SRD5A1: variants seen among roughly 807,000 people sequenced by gnomAD.
SRD5A1 encodes 3-oxo-5-alpha-steroid 4-dehydrogenase 1.
In SRD5A1, 22 loss-of-function variants were observed where a neutral mutation model predicts 28.2. The ratio of observed to expected loss-of-function variants is 0.78; its 90% CI spans 0.56 to 1.12. The LOEUF (loss-of-function observed/expected upper bound fraction) is 1.12. Ranked by LOEUF, SRD5A1 falls within the 50% of genes most tolerant of loss-of-function variation. The probability of loss-of-function intolerance (pLI) is 0.00; values close to 1 mark genes in which losing one functional copy is unlikely to be tolerated. For missense variants in SRD5A1, 300 were observed against 346.7 expected (o/e 0.87, Z 1.07); for synonymous variants, 151 against 135.0 (o/e 1.12, Z -0.82).
At chr5:6,640,799 G>A (rs761882264) in intron 1 of SRD5A1, among the ~76,000 whole-genome samples, 10 of 152,148 alleles carry the variant, frequency 6.6e-5, no homozygotes, top group Non-Finnish European at 1.3e-4. Flanking sequence ...AGACCTGACT[G>A]TTTTGTATTC....
At chr5:6,650,038 G>C (rs1738624396) in intron 1 of SRD5A1, among the ~76,000 whole-genome samples, 1 of 152,068 alleles carries the variant, frequency 6.6e-6, no homozygotes, top group Admixed American at 6.5e-5. Flanking sequence ...TATTTCATTG[G>C]TAACAGTGCT....
intron 1 of SRD5A1, among the ~76,000 whole-genome samples, chr5:6,638,131 G>C (rs970905775): frequency 1.1e-4 from 16 of 152,130 alleles, no homozygotes; most frequent in Admixed American, 1.0e-3. Context: ...ACGAGGTCAG[G>C]AGATCAAGAC....
chr5:6,672,590 T>C lies in SRD5A1; in HGVS notation c.*4322T>C, dbSNP rs752500363. The stretch of plus-strand genomic sequence containing the variant: ...GCTCCCGGCCCAACTGTTGCATTAT[T>C]ATTTGCAAATGTTGGCTATCCCTGC... On this transcript the variant is annotated 3_prime_UTR_variant, in exon 5 of 5. Transcript: ENST00000274192. 2 of 152,228 alleles carry C rather than the reference T, an allele frequency of 1.3e-5. No homozygotes were observed. Among genetic ancestry groups the C allele is most frequent in the Non-Finnish European group, 2.9e-5 (2 of 68,042 alleles). The allele number at this position is 152,228 out of a possible 1,614,324, so 9.4% of individuals were successfully genotyped here.
At position 6,673,921 on chromosome 5, in the gene SRD5A1, A is replaced by G. The variant is rs1465109179; in HGVS notation, c.*5653A>G. 1.3e-5 allele frequency: 2 copies of G among 152,226 alleles called. No homozygotes were observed. The highest frequency in any genetic ancestry group is 2.9e-5 in the Non-Finnish European group (2 of 68,040). The allele number at this position is 152,226 out of a possible 1,614,324, so 9.4% of individuals were successfully genotyped here. A position where few individuals can be genotyped will look rare whatever the true frequency, so the allele number is the denominator to read the frequency against. ...CATTCTGAAAAAGGCACAACTATGG[A>G]GACAATAAAAAGAACAGAGTTTTGG... On this transcript the variant is annotated 3_prime_UTR_variant, in exon 5 of 5. Coordinates refer to ENST00000274192, the MANE Select transcript of SRD5A1 (RefSeq NM_001047.4).
intron 1 of SRD5A1, among the ~76,000 whole-genome samples, chr5:6,636,303 G>A (rs1738183672): frequency 6.6e-6 from 1 of 152,146 alleles, no homozygotes; most frequent in Non-Finnish European, 1.5e-5. Flanking sequence ...AAGCGTCCTG[G>A]AGCCCTTTAT....
chr5:6,667,752 A>G (rs1000560328), intron 4 of SRD5A1, among the ~76,000 whole-genome samples: 1 of 152,204 alleles, frequency 6.6e-6, no homozygotes, highest in African/African-American at 2.4e-5. Context: ...GCCTCCTGGT[A>G]TGCAGCTGGG....
chr5:6,651,874 G>T lies in SRD5A1; in HGVS notation c.326G>T (p.Gly109Val), dbSNP rs757389383. 6.2e-7 allele frequency: 1 copy of T among 1,612,506 alleles called. No homozygotes were observed. Among genetic ancestry groups the T allele is most frequent in the Non-Finnish European group, 8.5e-7 (1 of 1,179,350 alleles). Residue 109 changes from glycine to valine, a missense_variant, in exon 2 of 5, where the codon GGA becomes GTA. Around this residue, in one of 2 missense-constraint regions of SRD5A1, gnomAD observed 174 missense variants for 160.9 expected, o/e 1.08. Coordinates refer to ENST00000274192, the MANE Select transcript of SRD5A1 (RefSeq NM_001047.4). ...CLIYPFLMRG[G>V]KPMPLLACTM... ...ATTTACCCATTTCTGATGCGAGGAG[G>T]AAAGCCTATGCCACTGTTGGCGTGT...
In SRD5A1 at chr5:6,670,827, T is replaced by C. The variant is rs1009879330; in HGVS notation, c.*2559T>C. 6.6e-6 allele frequency: 1 copy of C among 152,234 alleles called. No individual in the cohort carries two copies. Among genetic ancestry groups the C allele is most frequent in the African/African-American group, 2.4e-5 (1 of 41,458 alleles). 9.4% of individuals were successfully genotyped at this position (152,234 alleles called of 1,614,324 possible). ...TTTCTTAAGATATTGATCAACCAGATCATTGCAAATACTGCTAATTGATTC... is the reference window on the plus strand; with the variant it reads ...TTTCTTAAGATATTGATCAACCAGACCATTGCAAATACTGCTAATTGATTC... On this transcript the variant is annotated 3_prime_UTR_variant, in exon 5 of 5. Transcript: ENST00000274192.
intron 3 of SRD5A1, 76 bp from the exon 4 acceptor site, chr5:6,662,740 A>G: frequency 6.8e-7 from 1 of 1,475,786 alleles, no homozygotes. Flanking sequence ...TCTCCAGGTA[A>G]GTATTCACTA....
At chr5:6,641,334 G>T (rs929376497) in intron 1 of SRD5A1, among the ~76,000 whole-genome samples, 1 of 152,112 alleles carries the variant, frequency 6.6e-6, no homozygotes, top group Non-Finnish European at 1.5e-5. Flanking sequence ...AATCTTCACC[G>T]ACAACAATGG....
intron 3 of SRD5A1, among the ~76,000 whole-genome samples, chr5:6,661,032 T>C (rs1738983842): frequency 6.6e-6 from 1 of 152,174 alleles, no homozygotes; most frequent in Admixed American, 6.5e-5. Flanking sequence ...CCCTTCCTTG[T>C]CCTGTGGGGA....
intron 4 of SRD5A1, among the ~76,000 whole-genome samples, chr5:6,665,684 C>T (rs891439688): frequency 3.3e-5 from 5 of 151,878 alleles, no homozygotes; most frequent in African/African-American, 1.2e-4. Context: ...AATGAGATAA[C>T]ACTGACGTTT....
chr5:6,655,960 T>C lies in SRD5A1; in HGVS notation c.461-118T>C, dbSNP rs1260274491. On this transcript the variant is annotated intron_variant, in intron 2 of 4. Transcript: ENST00000274192. The stretch of plus-strand genomic sequence containing the variant: ...TTTTTACTACCAGTTATGGCTAATA[T>C]GTTACACTAACAATGGTAATCTGAA... The C allele has an allele frequency of 6.8e-6, 5 of 733,114 alleles. No homozygotes were observed. In the East Asian group the frequency reaches 8.0e-5, roughly 12 times the overall value. 45.4% of individuals were successfully genotyped at this position (733,114 alleles called of 1,614,324 possible).
In SRD5A1 at chr5:6,671,064, T is replaced by C. The variant is rs1238392525; in HGVS notation, c.*2796T>C. 1 of 152,208 alleles carries C rather than the reference T, an allele frequency of 6.6e-6. No homozygotes were observed. The highest frequency in any genetic ancestry group is 2.4e-5 in the African/African-American group (1 of 41,446). The allele number at this position is 152,208 out of a possible 1,614,324, so 9.4% of individuals were successfully genotyped here. ...GATCAAATGGTAGTTCTACTTTTAG[T>C]TCTAAGGAATTTCCACACTGTTTTC... On this transcript the variant is annotated 3_prime_UTR_variant, in exon 5 of 5. Transcript: ENST00000274192.
intron 1 of SRD5A1, among the ~76,000 whole-genome samples, chr5:6,643,167 A>T (rs1738413426): frequency 6.6e-6 from 1 of 152,126 alleles, no homozygotes; most frequent in Non-Finnish European, 1.5e-5. Flanking sequence ...TTCTGCACAG[A>T]CTATCTAAAG....
At chr5:6,660,372 C>T (rs756837949) in intron 3 of SRD5A1, among the ~76,000 whole-genome samples, 4 of 152,246 alleles carry the variant, frequency 2.6e-5, no homozygotes, top group Admixed American at 6.5e-5. Context: ...AGGAAGGCAT[C>T]GTGGCCCCAG....
At chr5:6,653,294 C>T (rs191546406) in intron 2 of SRD5A1, among the ~76,000 whole-genome samples, 2 of 152,276 alleles carry the variant, frequency 1.3e-5, no homozygotes, top group Middle Eastern at 3.4e-3. Context: ...GCTGAGAAGG[C>T]GTTTCAAGAT....
chr5:6,665,074 A>G (rs2126553495), intron 4 of SRD5A1, among the ~76,000 whole-genome samples: 1 of 152,366 alleles, frequency 6.6e-6, no homozygotes, highest in Middle Eastern at 3.4e-3. Flanking sequence ...GGAGAACGTT[A>G]TCAGTTGAGA....
chr5:6,635,391 A>G (rs991699171), intron 1 of SRD5A1, among the ~76,000 whole-genome samples: 4 of 152,142 alleles, frequency 2.6e-5, no homozygotes, highest in African/African-American at 9.7e-5. Flanking sequence ...ATACTTTTCC[A>G]TAAATATACC....
Sources: gnomAD v4.1 joint callset for allele counts (sites outside exome capture counted in the v4.1 genomes callset) on GRCh38, gnomAD v4.1.1 for gene constraint, gnomAD v4.1.1 regional missense constraint, MANE v1.5 for transcripts, NCBI Gene and HGNC (gene_info 2026-07-23, HGNC 2026-07-21) for gene names.